The following SNX5 variants were observed in gnomAD, a reference collection of about 807,000 sequenced individuals.
SNX5 encodes sorting nexin 5.
In SNX5, 31 loss-of-function variants were observed where a neutral mutation model predicts 53.9. The ratio of observed to expected loss-of-function variants is 0.58; its 90% CI spans 0.43 to 0.78. The LOEUF (loss-of-function observed/expected upper bound fraction) is 0.78. Ranked by LOEUF, SNX5 falls within the 30% of genes least tolerant of loss-of-function variation. The pLI is 0.00. For synonymous variants in SNX5, 168 were observed against 171.1 expected, an observed-to-expected ratio of 0.98 and a Z score of 0.14; for missense variants, 471 against 478.8, an observed-to-expected ratio of 0.98 and a Z score of 0.15.
intron 1 of SNX5, chr20:17,962,791 T>C (rs2035478685): frequency 1.9e-6 from 1 of 519,088 alleles, no homozygotes; most frequent in Non-Finnish European, 3.8e-6. Flanking sequence ...TTCTTACCGG[T>C]AGCCTGCCAA....
At chr20:17,961,643 C>T (rs912333759) in intron 1 of SNX5, 2 of 984,424 alleles carry the variant, frequency 2.0e-6, no homozygotes, top group African/African-American at 3.5e-5. Flanking sequence ...ATTTAAATGA[C>T]TTCCTAGTTT....
chr20:17,950,538 T>C (rs1282939227), intron 6 of SNX5, 142 bp from the exon 7 acceptor site: 3 of 582,498 alleles, frequency 5.2e-6, no homozygotes, highest in Non-Finnish European at 9.1e-6. Context: ...ATCAGGGAAT[T>C]ACAAATTTAC....
chr20:17,949,251 C>A, intron 8 of SNX5, 148 bp from the exon 9 acceptor site: 1 of 666,250 alleles, frequency 1.5e-6, no homozygotes. Context: ...CTCACTTCAA[C>A]TGACCCCAAA....
chr20:17,952,628 T>TA lies in SNX5; in HGVS notation c.471dup (p.Lys158Ter), dbSNP rs765535844. On this transcript the variant is annotated frameshift_variant, in exon 5 of 13. Coordinates refer to ENST00000377759, the MANE Select transcript of SNX5 (RefSeq NM_014426.4). LOFTEE classifies it high-confidence loss of function. ...AGGAAAACATGAAAGTTGCGATCTT[T>TA]ACTGAGAACAGGGTGAGAAGAAAGC... 1.2e-6 allele frequency: 2 copies of TA among 1,614,014 alleles called. No individual in the cohort carries two copies. Among genetic ancestry groups the TA allele is most frequent in the East Asian group, 4.5e-5 (2 of 44,892 alleles).
At chr20:17,949,464 T>C (rs905384433) in intron 8 of SNX5, among the ~76,000 whole-genome samples, 1 of 152,214 alleles carries the variant, frequency 6.6e-6, no homozygotes, top group Non-Finnish European at 1.5e-5. Flanking sequence ...GTTCTGCCAT[T>C]AGCCTTTCAA....
chr20:17,941,947 G>T lies in SNX5; in HGVS notation c.*410C>A, dbSNP rs2039422838. On this transcript the variant is annotated 3_prime_UTR_variant, in exon 13 of 13. Transcript: ENST00000377759. Reference sequence around the variant, plus strand: ...ACCCCACCTTCAGTGAGGAATGGAAGGTCTGTTACCGACCTCAAGTAGCTG... The same window carrying T: ...ACCCCACCTTCAGTGAGGAATGGAATGTCTGTTACCGACCTCAAGTAGCTG... 6.2e-6 allele frequency: 1 copy of T among 161,486 alleles called. No homozygotes were observed. The highest frequency in any genetic ancestry group is 2.4e-5 in the African/African-American group (1 of 41,560). 10.0% of individuals were successfully genotyped at this position (161,486 alleles called of 1,614,324 possible).
intron 8 of SNX5, 23 bp downstream of exon 8, chr20:17,950,109 A>G: frequency 1.2e-6 from 2 of 1,607,850 alleles, no homozygotes; most frequent in South Asian, 1.1e-5. Flanking sequence ...GGTTAGGGGA[A>G]ATGCTTTTCC....
At chr20:17,966,117 G>T (rs2035532715) in intron 1 of SNX5, among the ~76,000 whole-genome samples, 1 of 152,112 alleles carries the variant, frequency 6.6e-6, no homozygotes. Context: ...TTAAGGCCAA[G>T]TTGTTACTGT....
At chr20:17,947,230 C>A in intron 11 of SNX5, 1 of 418,184 alleles carries the variant, frequency 2.4e-6, no homozygotes, top group South Asian at 3.2e-5. Context: ...GGAAATAAAC[C>A]ACAACGTTTT....
At chr20:17,959,120 A>G (rs909017399) in intron 1 of SNX5, among the ~76,000 whole-genome samples, 3 of 152,210 alleles carry the variant, frequency 2.0e-5, no homozygotes, top group Non-Finnish European at 4.4e-5. Flanking sequence ...TTTCGCTCAC[A>G]AGCCCAGCAA....
At position 17,961,944 on chromosome 20, in the gene SNX5, C is replaced by T. The variant is rs1015219089; in HGVS notation, c.52-4907G>A. ...TATAAAATTCAAAGATGTTCTGTCA[C>T]ACTCTAGATTTGTATTAATGTCCAC... On this transcript the variant is annotated intron_variant, in intron 1 of 12. Transcript: ENST00000377759. The T allele has an allele frequency of 9.3e-5, 91 of 981,582 alleles. 1 individual carries two copies. The South Asian group carries it at 1.5e-3, about 16-fold the overall frequency. 60.8% of individuals were successfully genotyped at this position (981,582 alleles called of 1,614,324 possible).
rs115114305 is a variant in SNX5, at chr20:17,958,361, T to G, written c.52-1324A>C. 6.2e-3 allele frequency among the ~76,000 whole-genome samples: 950 copies of G among 152,330 alleles called. 10 individuals carry two copies. The highest frequency in any genetic ancestry group is 0.022 in the African/African-American group (929 of 41,578). On this transcript the variant is annotated intron_variant, in intron 1 of 12. Transcript: ENST00000377759. ...AACTTATGTACTTAACCTCTAAAAC[T>G]TGAAAATCTGGTCAATCAGCTATAA... is the stretch of plus-strand genomic sequence containing the variant.
At chr20:17,942,919 A>G in intron 12 of SNX5, 191 bp downstream of exon 12, 1 of 523,922 alleles carries the variant, frequency 1.9e-6, no homozygotes, top group South Asian at 2.9e-5. Context: ...AAAAGTTGCT[A>G]AAAATTAGTC....
chr20:17,957,857 C>G (rs910680766), intron 1 of SNX5, among the ~76,000 whole-genome samples: 1 of 152,010 alleles, frequency 6.6e-6, no homozygotes, highest in Non-Finnish European at 1.5e-5. Flanking sequence ...TTAGAAAAAC[C>G]AACCAAGGCC....
rs534893513 is a variant in SNX5, at chr20:17,955,355, A to C, written c.267+10T>G. On this transcript the variant is annotated intron_variant, in intron 3 of 12. Transcript: ENST00000377759. ...AAGAACTAGCTTATTTGATTTTCTA[A>C]AAGACTCACAATAAGCCCAGCATAG... 1 of 1,593,914 alleles carries C rather than the reference A, an allele frequency of 6.3e-7. No homozygotes were observed. Among genetic ancestry groups the C allele is most frequent in the Non-Finnish European group, 8.6e-7 (1 of 1,163,282 alleles).
chr20:17,954,157 C>G (rs780327789), intron 3 of SNX5, 40 bp from the exon 4 acceptor site: 4 of 1,608,694 alleles, frequency 2.5e-6, no homozygotes, highest in Non-Finnish European at 3.4e-6. Context: ...CTTGTCCCAG[C>G]AGCGATGTTT....
At chr20:17,949,007 G>C (rs1407923277) in intron 9 of SNX5, 31 bp from the exon 10 acceptor site, 3 of 1,607,698 alleles carry the variant, frequency 1.9e-6, no homozygotes, top group Non-Finnish European at 2.6e-6. Flanking sequence ...CACCATCAAG[G>C]CAGAAAGCTA....
At position 17,954,024 on chromosome 20, in the gene SNX5, ATTC is replaced by A; in HGVS notation, c.358_360del (p.Glu120del). The A allele has an allele frequency of 2.5e-6, 4 of 1,613,960 alleles. No individual in the cohort carries two copies. The highest frequency in any genetic ancestry group is 3.4e-6 in the Non-Finnish European group (4 of 1,179,892). On this transcript the variant is annotated inframe_deletion, in exon 4 of 13. Coordinates refer to ENST00000377759, the MANE Select transcript of SNX5 (RefSeq NM_014426.4). ...TCCAGTTCTTGTTTCATCTTGGCAA[ATTC>A]TTCTTTGGTCATAGACCCTTCACCT...
intron 1 of SNX5, 156 bp downstream of exon 1, chr20:17,968,219 G>C (rs1239552652): frequency 2.1e-4 from 100 of 472,800 alleles, no homozygotes; most frequent in Non-Finnish European, 1.7e-5. Flanking sequence ...CTTCAGTGAA[G>C]ACCAGGGAGA....
Sources: gnomAD v4.1 joint callset for allele counts (sites outside exome capture counted in the v4.1 genomes callset) on GRCh38, gnomAD v4.1.1 for gene constraint, MANE v1.5 for transcripts, NCBI Gene and HGNC (gene_info 2026-07-23, HGNC 2026-07-21) for gene names.